NLRP3: variants seen among roughly 807,000 people sequenced by gnomAD.
The protein encoded by NLRP3 is NLR family pyrin domain containing 3.
A neutral mutation model predicts 91.3 loss-of-function variants in NLRP3; 48 were observed. The observed-to-expected ratio is 0.53, with a 90% CI of 0.42 to 0.67. NLRP3 has a LOEUF of 0.67. Among genes scored for constraint, NLRP3 ranks in the 30% least tolerant of loss-of-function variants. NLRP3 has a pLI of 0.00. For synonymous variants in NLRP3, 561 were observed against 507.9 expected, an observed-to-expected ratio of 1.10 and a Z score of -1.41; for missense variants, 982 against 1,276.9, an observed-to-expected ratio of 0.77 and a Z score of 3.52.
intron 9 of NLRP3, among the ~76,000 whole-genome samples, chr1:247,448,005 T>G (rs1664698692): frequency 6.8e-6 from 1 of 147,538 alleles, no homozygotes; most frequent in Admixed American, 6.7e-5. Context: ...CATTGGGCAC[T>G]TAGAGCTTTT....
chr1:247,429,746 G>T lies in NLRP3; in HGVS notation c.2312G>T (p.Arg771Leu). Residue 771 changes from arginine to leucine, a missense_variant, in exon 5 of 10, where the codon CGG (arginine) becomes CTG (leucine). Arg to Leu is a moderately radical substitution (Grantham distance 102). Around this residue, in one of 5 missense-constraint regions of NLRP3, gnomAD observed 373 missense variants for 431.5 expected, o/e 0.86. Coordinates refer to ENST00000336119, the MANE Select transcript of NLRP3 (RefSeq NM_001243133.2). ...CTCCAGCATCCTGGCTGTAACATTC[G>T]GAGATTGTGGTGAGTCCCCGTGCAT... is the stretch of plus-strand genomic sequence containing the variant. ...ETLQHPGCNI[R>L]RLWLGRCGLS... 1 of 1,613,764 alleles carries T rather than the reference G, an allele frequency of 6.2e-7. No individual in the cohort carries two copies. The highest frequency in any genetic ancestry group is 8.5e-7 in the Non-Finnish European group (1 of 1,179,988).
rs1412802535 is a variant in NLRP3, at chr1:247,429,309, G to A, written c.2151-276G>A. On this transcript the variant is annotated intron_variant, in intron 4 of 9. Coordinates refer to ENST00000336119, the MANE Select transcript of NLRP3 (RefSeq NM_001243133.2). ...CCATGTTGGGACAGTGGACTGGTAA[G>A]GGCGAGAGGAGGACACTGGGGAGCA... 2.0e-5 allele frequency among the ~76,000 whole-genome samples: 3 copies of A among 152,142 alleles called. No homozygotes were observed. The East Asian group carries it at 5.8e-4, about 29-fold the overall frequency.
Position 247,424,757 on chromosome 1 carries a change from C to G in NLRP3, c.1308C>G (p.Thr436=). The change falls in exon 4 of 10, where the codon ACC becomes ACG. Residue 436 remains threonine (T), a synonymous_variant. Coordinates refer to ENST00000336119, the MANE Select transcript of NLRP3 (RefSeq NM_001243133.2). The surrounding 1 kb of genome is among the most constrained non-coding windows in gnomAD (Gnocchi z 8.1). ...SGKSLAQTSK[T]TTAVYVFFLS... ...AGAGCCTTGCCCAGACATCCAAGAC[C>G]ACCACCGCGGTGTACGTCTTCTTCC... 6.2e-7 allele frequency: 1 copy of G among 1,613,116 alleles called. No homozygotes were observed. Among genetic ancestry groups the G allele is most frequent in the South Asian group, 1.1e-5 (1 of 91,082 alleles).
chr1:247,433,817 C>T (rs994996050), intron 5 of NLRP3, among the ~76,000 whole-genome samples: 1,009 of 100,290 alleles, frequency 0.01, no homozygotes, highest in Admixed American at 0.016. Flanking sequence ...TCAGGTGTGT[C>T]CTGATGCTTT....
rs766587965 is a variant in NLRP3, at chr1:247,436,080, C to G, written c.2603C>G (p.Ser868Ter). 6.2e-7 allele frequency: 1 copy of G among 1,614,136 alleles called. No homozygotes were observed. The highest frequency in any genetic ancestry group is 2.2e-5 in the East Asian group (1 of 44,872). ...LYVGENALGD[S>*]GVAILCEKAK... ...GTGGGGGAGAATGCCTTGGGAGACT[C>G]AGGAGTCGCAATTTTATGTGAAAAA... Residue 868 changes from serine to a stop codon, truncating the protein, a stop_gained, in exon 7 of 10, where the codon TCA (serine) becomes TGA (stop). Transcript: ENST00000336119. LOFTEE classifies it high-confidence loss of function.
At chr1:247,423,792 G>A (rs1457302518) in intron 3 of NLRP3, 55 bp from the exon 4 acceptor site, 16 of 1,466,872 alleles carry the variant, frequency 1.1e-5, no homozygotes, top group East Asian at 9.1e-5. Flanking sequence ...AGCTGAGAGC[G>A]CATCTCAGGT....
chr1:247,443,395 G>A (rs143263775), intron 7 of NLRP3, among the ~76,000 whole-genome samples: 1 of 152,152 alleles, frequency 6.6e-6, no homozygotes, highest in Non-Finnish European at 1.5e-5. Flanking sequence ...AGGGGCATTT[G>A]GGGGCGCAGG....
chr1:247,442,363 C>T (rs1215987863), intron 7 of NLRP3, among the ~76,000 whole-genome samples: 1 of 152,182 alleles, frequency 6.6e-6, no homozygotes, highest in African/African-American at 2.4e-5. Context: ...AGGCAATCAC[C>T]TGCGCTATTC....
At chr1:247,443,632 A>G (rs1664396344) in intron 7 of NLRP3, among the ~76,000 whole-genome samples, 1 of 151,048 alleles carries the variant, frequency 6.6e-6, no homozygotes, top group Admixed American at 6.6e-5. Flanking sequence ...GAGGATAACC[A>G]CTGGGATGTG....
rs761820802 is a variant in NLRP3 at position 247,435,987 on chromosome 1, T to C, written c.2510T>C (p.Leu837Pro). ...TATGGAAGGTTGGTCAGCTGCTGCC[T>C]CACATCAGCATGTTGTCAGGATCTT... ...LKKLWLVSCC[L>P]TSACCQDLAS... Residue 837 changes from leucine (L) to proline (P), a missense_variant, in exon 7 of 10, where the codon CTC becomes CCC. Physicochemically the swap from Leu to Pro is moderately conservative, Grantham distance 98. This residue lies in a region of NLRP3 where 373 missense variants were observed against 431.5 expected (regional missense o/e 0.86). Coordinates refer to ENST00000336119, the MANE Select transcript of NLRP3 (RefSeq NM_001243133.2). 6.2e-7 allele frequency: 1 copy of C among 1,614,054 alleles called. No individual in the cohort carries two copies. Among genetic ancestry groups the C allele is most frequent in the Admixed American group, 1.7e-5 (1 of 60,024 alleles).
At chr1:247,421,549 A>G (rs1211819201) in intron 2 of NLRP3, among the ~76,000 whole-genome samples, 2 of 152,216 alleles carry the variant, frequency 1.3e-5, no homozygotes, top group African/African-American at 4.8e-5. Context: ...TACTTTGCTA[A>G]GCAGTTTTTA....
intron 7 of NLRP3, among the ~76,000 whole-genome samples, chr1:247,441,251 T>G (rs894246814): frequency 2.7e-5 from 4 of 146,144 alleles, no homozygotes; most frequent in African/African-American, 7.5e-5. Flanking sequence ...TTTCTTTTCT[T>G]TTTTTAAGAC....
At chr1:247,435,557 G>A (rs1663726354) in intron 6 of NLRP3, among the ~76,000 whole-genome samples, 1 of 152,298 alleles carries the variant, frequency 6.6e-6, no homozygotes, top group East Asian at 1.9e-4. Flanking sequence ...GCAGGCAATG[G>A]GAGGGCGGAG....
intron 7 of NLRP3, among the ~76,000 whole-genome samples, chr1:247,440,344 G>A (rs1337607847): frequency 1.3e-5 from 2 of 152,272 alleles, no homozygotes; most frequent in Middle Eastern, 3.4e-3. Context: ...CTTTCCAGGA[G>A]GCTGCTGAGT....
intron 7 of NLRP3, among the ~76,000 whole-genome samples, chr1:247,438,590 G>T (rs188130451): frequency 1.3e-5 from 2 of 152,120 alleles, no homozygotes; most frequent in African/African-American, 4.8e-5. Context: ...CACCATGTTT[G>T]CCAGGCTGGT....
chr1:247,423,140 T>C, intron 2 of NLRP3, 90 bp from the exon 3 acceptor site: 6 of 1,569,620 alleles, frequency 3.8e-6, no homozygotes, highest in Non-Finnish European at 4.4e-6. Flanking sequence ...GTTTGGGGTC[T>C]CCTCTCTCAT....
intron 7 of NLRP3, among the ~76,000 whole-genome samples, chr1:247,442,109 T>C (rs562432092): frequency 8.5e-5 from 13 of 152,374 alleles, no homozygotes; most frequent in Non-Finnish European, 1.5e-4. Context: ...CAAAACTTGC[T>C]TTGTTTTTGT....
chr1:247,444,905 T>G, intron 9 of NLRP3, 84 bp downstream of exon 9: 1 of 1,429,656 alleles, frequency 7.0e-7, no homozygotes, highest in Non-Finnish European at 9.7e-7. Context: ...AGGATGGCTC[T>G]CGCTTCATTT....
rs898646804 is a variant in NLRP3 at position 247,416,805 on chromosome 1, G to A, written c.-749+612G>A. 3.3e-5 allele frequency among the ~76,000 whole-genome samples: 5 copies of A among 152,150 alleles called. No homozygotes were observed. The East Asian group carries it at 5.8e-4, about 18-fold the overall frequency. ...AGATAGGCAGGAATGGAGATGGGAC[G>A]GGAGAGATGAGTGAGTCTGAGGCAT... On this transcript the variant is annotated intron_variant, in intron 1 of 9. Transcript: ENST00000336119.
Sources: allele counts gnomAD v4.1 joint callset (sites outside exome capture counted in the v4.1 genomes callset), GRCh38; gene constraint gnomAD v4.1.1; regional missense constraint gnomAD v4.1.1; non-coding constraint Gnocchi (gnomAD v3.1); transcripts MANE v1.5; gene names NCBI Gene and HGNC (gene_info 2026-07-23, HGNC 2026-07-21).